Variants in TRIM71 observed in about 807,000 individuals in gnomAD.
TRIM71 encodes tripartite motif containing 71, also known as E3 ubiquitin-protein ligase TRIM71.
A neutral mutation model predicts 61.2 loss-of-function variants in TRIM71; 9 were observed. That is an observed-to-expected ratio of 0.15 (90% CI 0.09 to 0.26). TRIM71 has a LOEUF of 0.26. Ranked by LOEUF, TRIM71 falls within the 10% of genes least tolerant of loss-of-function variation. The probability of loss-of-function intolerance (pLI) is 1.00; values close to 1 mark genes in which losing one functional copy is unlikely to be tolerated. For synonymous variants in TRIM71, 645 were observed against 553.2 expected (o/e 1.17, Z -2.33); for missense variants, 998 against 1,238.7 (o/e 0.81, Z 2.92).
In TRIM71 at chr3:32,891,559, C is replaced by A; in HGVS notation, c.2355C>A (p.Gly785=). The stretch of plus-strand genomic sequence containing the variant: ...ACTGCCAGTCGGCACGCTTTCTGGG[C>A]TCGGAGGGCACAGGCAATGGGCAGT... ...HPDCQSARFL[G]SEGTGNGQFL... Residue 785 remains glycine, a synonymous_variant, in exon 4 of 4, where the codon GGC becomes GGA. Transcript: ENST00000383763. The surrounding 1 kb of genome is among the most constrained non-coding windows in gnomAD (Gnocchi z 8.2). The A allele has an allele frequency of 6.2e-7, 1 of 1,613,708 alleles. No homozygotes were observed. Among genetic ancestry groups the A allele is most frequent in the Non-Finnish European group, 8.5e-7 (1 of 1,179,784 alleles).
In TRIM71 at chr3:32,896,800, C is replaced by CT. The variant is rs1233596324; in HGVS notation, c.*4990dup. ...CTCAGGTAGTATTTTTCTTAAGACT[C>CT]TATCTCAGAGCACACTGACTGAATG... On this transcript the variant is annotated 3_prime_UTR_variant, in exon 4 of 4. Transcript: ENST00000383763. The CT allele has an allele frequency of 2.0e-5, 3 of 152,274 alleles. No individual in the cohort carries two copies. The highest frequency in any genetic ancestry group is 4.2e-4 in the South Asian group (2 of 4,812). The allele number at this position is 152,274 out of a possible 1,614,324, so 9.4% of individuals were successfully genotyped here.
chr3:32,883,154 A>C (rs1049522066), intron 2 of TRIM71, among the ~76,000 whole-genome samples: 1 of 152,170 alleles, frequency 6.6e-6, no homozygotes, highest in African/African-American at 2.4e-5. Flanking sequence ...CCCTGGATGA[A>C]TCCTGACAGC....
rs556521256 is a variant in TRIM71 at position 32,823,685 on chromosome 3, G to A, written c.852+4753G>A. On this transcript the variant is annotated intron_variant, in intron 1 of 3. Transcript: ENST00000383763. ...CTTGAAATGGGGAAACCCAGGAGGC[G>A]GAGGTTGCAGTGAGCCGAGGGTGCA... Among the ~76,000 whole-genome samples the A allele has an allele frequency of 4.0e-5, 6 of 148,868 alleles. No homozygotes were observed. The East Asian group carries it at 7.2e-4, about 18-fold the overall frequency.
At chr3:32,843,820 C>G (rs1167759430) in intron 1 of TRIM71, among the ~76,000 whole-genome samples, 1 of 152,182 alleles carries the variant, frequency 6.6e-6, no homozygotes, top group Non-Finnish European at 1.5e-5. Context: ...TGGGAAGGTG[C>G]AGAGCCGGCC....
At chr3:32,854,274 G>A (rs992154753) in intron 1 of TRIM71, among the ~76,000 whole-genome samples, 4 of 152,204 alleles carry the variant, frequency 2.6e-5, no homozygotes, top group South Asian at 2.1e-4. Context: ...GATTACACAC[G>A]TAAGCCACTG....
chr3:32,877,623 G>A (rs990164421), intron 2 of TRIM71, among the ~76,000 whole-genome samples: 10 of 152,068 alleles, frequency 6.6e-5, no homozygotes, highest in African/African-American at 1.4e-4. Flanking sequence ...CTCCCAAGGC[G>A]CTGAGATTAA....
intron 2 of TRIM71, 81 bp downstream of exon 2, chr3:32,874,066 C>A: frequency 6.9e-7 from 1 of 1,445,988 alleles, no homozygotes; most frequent in Non-Finnish European, 9.3e-7. Context: ...GACAATTGGG[C>A]AGATTCCAGT....
Position 32,897,795 on chromosome 3 carries a change from T to G in TRIM71, c.*5984T>G, listed in dbSNP as rs1697096030. The G allele has an allele frequency of 1.3e-5, 2 of 152,214 alleles. No individual in the cohort carries two copies. The highest frequency in any genetic ancestry group is 1.3e-4 in the Admixed American group (2 of 15,278). The allele number at this position is 152,214 out of a possible 1,614,324, so 9.4% of individuals were successfully genotyped here. On this transcript the variant is annotated 3_prime_UTR_variant, in exon 4 of 4. Transcript: ENST00000383763. ...CTATGCAGCTTATTTTATTTTTGTT[T>G]AATCAAATAAACGAGGGTTTTTCCA...
At position 32,897,398 on chromosome 3, in the gene TRIM71, T is replaced by C. The variant is rs931984311; in HGVS notation, c.*5587T>C. ...GGGTGCTGACTGCCATTTGCCACTTTTAAATGGGCACTGCCGTGGTAATGT... is the reference window on the plus strand; with the variant it reads ...GGGTGCTGACTGCCATTTGCCACTTCTAAATGGGCACTGCCGTGGTAATGT... On this transcript the variant is annotated 3_prime_UTR_variant, in exon 4 of 4. Transcript: ENST00000383763. The C allele has an allele frequency of 1.3e-5, 2 of 152,138 alleles. No individual in the cohort carries two copies. The highest frequency in any genetic ancestry group is 4.8e-5 in the African/African-American group (2 of 41,424). The allele number at this position is 152,138 out of a possible 1,614,324, so 9.4% of individuals were successfully genotyped here. A position where few individuals can be genotyped will look rare whatever the true frequency, so the allele number is the denominator to read the frequency against.
At chr3:32,885,229 G>A (rs1305936044) in intron 2 of TRIM71, among the ~76,000 whole-genome samples, 3 of 152,006 alleles carry the variant, frequency 2.0e-5, no homozygotes, top group East Asian at 1.9e-4. Flanking sequence ...TTAATAGCTC[G>A]GTATCTCAAC....
chr3:32,844,005 A>G (rs1696441524), intron 1 of TRIM71, among the ~76,000 whole-genome samples: 1 of 152,224 alleles, frequency 6.6e-6, no homozygotes, highest in Non-Finnish European at 1.5e-5. Context: ...TATAGAGAAA[A>G]TAAGTGTCCT....
In TRIM71 at chr3:32,830,366, T is replaced by C. The variant is rs1449362051; in HGVS notation, c.852+11434T>C. Among the ~76,000 whole-genome samples, 6 of 152,330 alleles carry C rather than the reference T, an allele frequency of 3.9e-5. No individual in the cohort carries two copies. The South Asian group carries it at 1.2e-3, about 32-fold the overall frequency. ...CATCTTGCAAAAAACCGCCTGTCAT[T>C]CCAAAATTCATTTAATAGTAAGTAT... On this transcript the variant is annotated intron_variant, in intron 1 of 3. Transcript: ENST00000383763.
intron 1 of TRIM71, among the ~76,000 whole-genome samples, chr3:32,824,138 C>T (rs996098058): frequency 6.6e-6 from 1 of 152,088 alleles, no homozygotes; most frequent in East Asian, 1.9e-4. Flanking sequence ...AGTTCTCCCT[C>T]CCATTGTATT....
In TRIM71 at chr3:32,891,996, A is replaced by G. The variant is rs1428642975; in HGVS notation, c.*185A>G. 4 of 792,942 alleles carry G rather than the reference A, an allele frequency of 5.0e-6. No individual in the cohort carries two copies. In the East Asian group the frequency reaches 9.2e-5, roughly 18 times the overall value. 49.1% of individuals were successfully genotyped at this position (792,942 alleles called of 1,614,324 possible). A position where few individuals can be genotyped will look rare whatever the true frequency, so the allele number is the denominator to read the frequency against. On this transcript the variant is annotated 3_prime_UTR_variant, in exon 4 of 4. Transcript: ENST00000383763. The surrounding 1 kb of genome is among the most constrained non-coding windows in gnomAD (Gnocchi z 8.2). Reference sequence around the variant, plus strand: ...ATTGCTTAAGTCCTACCTCATCTTTATTTTTTTACAGATGAATGTACTTAT... The same window carrying G: ...ATTGCTTAAGTCCTACCTCATCTTTGTTTTTTTACAGATGAATGTACTTAT...
At position 32,860,086 on chromosome 3, in the gene TRIM71, C is replaced by G. The variant is rs1575351543; in HGVS notation, c.853-13732C>G. ...TTTCTCCCTCCCCTCTCCTCCTGTTCTCTCCTCCCCTCTTCTCTCCCCTTC... is the reference window on the plus strand; with the variant it reads ...TTTCTCCCTCCCCTCTCCTCCTGTTGTCTCCTCCCCTCTTCTCTCCCCTTC... On this transcript the variant is annotated intron_variant, in intron 1 of 3. Coordinates refer to ENST00000383763, the MANE Select transcript of TRIM71 (RefSeq NM_001039111.3). Among the ~76,000 whole-genome samples the G allele has an allele frequency of 2.7e-5, 4 of 147,990 alleles. No homozygotes were observed. The South Asian group carries it at 9.0e-4, about 33-fold the overall frequency.
At chr3:32,835,132 A>C (rs1425750560) in intron 1 of TRIM71, among the ~76,000 whole-genome samples, 1 of 152,220 alleles carries the variant, frequency 6.6e-6, no homozygotes, top group East Asian at 1.9e-4. Context: ...GGTGATGTTA[A>C]GCTCTGGTTT....
chr3:32,856,124 T>C (rs1280498728), intron 1 of TRIM71, among the ~76,000 whole-genome samples: 1 of 152,178 alleles, frequency 6.6e-6, no homozygotes, highest in Non-Finnish European at 1.5e-5. Flanking sequence ...TTCACACCGT[T>C]CTCCTGCCTC....
intron 1 of TRIM71, among the ~76,000 whole-genome samples, chr3:32,871,997 A>T (rs1417364938): frequency 1.3e-5 from 2 of 152,174 alleles, no homozygotes; most frequent in African/African-American, 2.4e-5. Flanking sequence ...TAAAAAAATT[A>T]GTTGGGCGTG....
chr3:32,854,165 T>A (rs1340566114), intron 1 of TRIM71, among the ~76,000 whole-genome samples: 1 of 152,002 alleles, frequency 6.6e-6, no homozygotes, highest in Non-Finnish European at 1.5e-5. Flanking sequence ...ATTTTTTAAA[T>A]TTTTTTGTAG....
Sources: gnomAD v4.1 joint callset for allele counts (sites outside exome capture counted in the v4.1 genomes callset) on GRCh38, gnomAD v4.1.1 for gene constraint, Gnocchi (gnomAD v3.1) non-coding constraint, MANE v1.5 for transcripts, NCBI Gene and HGNC (gene_info 2026-07-23, HGNC 2026-07-21) for gene names.